Variants in FLACC1 observed in about 807,000 individuals in gnomAD.
FLACC1 encodes the protein flagellum associated containing coiled-coil domains 1, also known as flagellum-associated coiled-coil domain-containing protein 1.
A neutral mutation model predicts 62.8 loss-of-function variants in FLACC1; 66 were observed. The ratio of observed to expected loss-of-function variants is 1.05; its 90% CI spans 0.86 to 1.29. The LOEUF is 1.29. Among genes scored for constraint, FLACC1 ranks in the 50% most tolerant of loss-of-function variants. The pLI is 0.00. For synonymous variants in FLACC1, 156 were observed against 161.0 expected (o/e 0.97, Z 0.24); for missense variants, 452 against 489.1 (o/e 0.92, Z 0.71).
At chr2:201,291,585 G>C (rs910803063) in intron 12 of FLACC1, among the ~76,000 whole-genome samples, 5 of 152,314 alleles carry the variant, frequency 3.3e-5, no homozygotes, top group African/African-American at 1.2e-4. Flanking sequence ...AAAAAACAGA[G>C]CAGAAAAACT....
intron 3 of FLACC1, among the ~76,000 whole-genome samples, chr2:201,349,417 G>C (rs1188385684): frequency 2.6e-5 from 4 of 152,024 alleles, no homozygotes; most frequent in Non-Finnish European, 5.9e-5. Context: ...TACCTGCTTT[G>C]CCTGCATCTT....
intron 1 of FLACC1, among the ~76,000 whole-genome samples, chr2:201,353,819 C>T (rs1436169582): frequency 2.6e-5 from 4 of 152,122 alleles, no homozygotes; most frequent in Non-Finnish European, 4.4e-5. Context: ...GCTGATCTTG[C>T]ACTCCTGGTC....
chr2:201,340,121 G>A (rs1950777689), intron 7 of FLACC1, among the ~76,000 whole-genome samples: 1 of 152,178 alleles, frequency 6.6e-6, no homozygotes, highest in Non-Finnish European at 1.5e-5. Context: ...GTGCTCATGT[G>A]CCTTACAGGT....
intron 14 of FLACC1, 47 bp from the exon 15 acceptor site, chr2:201,288,828 A>G: frequency 1.2e-6 from 2 of 1,600,974 alleles, no homozygotes; most frequent in Non-Finnish European, 1.7e-6. Context: ...CAAAAGCTAG[A>G]AAGGGTATAG....
intron 1 of FLACC1, among the ~76,000 whole-genome samples, chr2:201,355,394 A>G (rs2125629046): frequency 6.6e-6 from 1 of 152,344 alleles, no homozygotes; most frequent in South Asian, 2.1e-4. Context: ...AACATTAAAC[A>G]TTTGCATTCA....
chr2:201,294,605 CT>C (rs1327771899), intron 12 of FLACC1, among the ~76,000 whole-genome samples: 2 of 152,162 alleles, frequency 1.3e-5, no homozygotes, highest in African/African-American at 4.8e-5. Context: ...CCTTTGAAAA[CT>C]GGCAAAAGAC....
chr2:201,352,204 C>G (rs981859093), intron 1 of FLACC1: 1 of 152,134 alleles, frequency 6.6e-6, no homozygotes, highest in African/African-American at 2.4e-5. Flanking sequence ...AAGAGAAATT[C>G]CCACAGCAAG....
chr2:201,289,633 C>A, intron 13 of FLACC1, 63 bp downstream of exon 13: 1 of 1,611,972 alleles, frequency 6.2e-7, no homozygotes, highest in Non-Finnish European at 8.5e-7. Context: ...AGCTATATGG[C>A]AGAGCTGGAT....
intron 9 of FLACC1, among the ~76,000 whole-genome samples, chr2:201,324,262 G>C (rs755159697): frequency 6.6e-6 from 1 of 152,146 alleles, no homozygotes; most frequent in African/African-American, 2.4e-5. Flanking sequence ...ACAAGACAAA[G>C]ATGGTCAATA....
At chr2:201,310,307 G>T (rs1404779408) in intron 9 of FLACC1, among the ~76,000 whole-genome samples, 1 of 152,174 alleles carries the variant, frequency 6.6e-6, no homozygotes, top group Non-Finnish European at 1.5e-5. Flanking sequence ...GCTCAAAACT[G>T]AAATTGTAAG....
intron 9 of FLACC1, among the ~76,000 whole-genome samples, chr2:201,313,377 T>C (rs1227313214): frequency 1.3e-5 from 2 of 152,102 alleles, no homozygotes; most frequent in Non-Finnish European, 2.9e-5. Flanking sequence ...GTTGGGGGCA[T>C]GGTGGGAGTG....
chr2:201,335,436 T>C (rs1041979755), intron 7 of FLACC1, among the ~76,000 whole-genome samples: 4 of 151,988 alleles, frequency 2.6e-5, no homozygotes, highest in African/African-American at 9.7e-5. Context: ...TTGAAAAGGC[T>C]ATCTTTTTTC....
chr2:201,291,662 C>T (rs1352652398), intron 12 of FLACC1, among the ~76,000 whole-genome samples: 3 of 152,182 alleles, frequency 2.0e-5, no homozygotes, highest in Non-Finnish European at 4.4e-5. Context: ...AGCAACAGAA[C>T]AAAGCTGGAT....
Position 201,351,546 on chromosome 2 carries a change from C to T in FLACC1, c.-47-95G>A, listed in dbSNP as rs1052359421. 7.7e-6 allele frequency: 5 copies of T among 646,040 alleles called. No individual in the cohort carries two copies. In the Admixed American group the frequency reaches 1.4e-4, roughly 18 times the overall value. The allele number at this position is 646,040 out of a possible 1,614,324, so 40.0% of individuals were successfully genotyped here. On this transcript the variant is annotated intron_variant, in intron 1 of 14. Coordinates refer to ENST00000392257, the MANE Select transcript of FLACC1 (RefSeq NM_001127391.3). ...AAGAACCCAGGGAGGACCCAAAGAA[C>T]AATGGTAGATTCCAGAAGCTGTTGA...
chr2:201,307,613 A>G lies in FLACC1; in HGVS notation c.785T>C (p.Met262Thr). 6.2e-7 allele frequency: 1 copy of G among 1,613,044 alleles called. No individual in the cohort carries two copies. The highest frequency in any genetic ancestry group is 8.5e-7 in the Non-Finnish European group (1 of 1,178,996). Residue 262 changes from methionine (M) to threonine (T), a missense_variant, in exon 11 of 15, where the codon ATG (methionine) becomes ACG (threonine). Coordinates refer to ENST00000392257, the MANE Select transcript of FLACC1 (RefSeq NM_001127391.3). ...TGACTCCATTTCGAATTTTTTGGTC[A>G]TCTTTTTTTCTGTGGAAGTGACAGG... ...ENILLQQKKK[M>T]TKKFEMESGE...
chr2:201,330,485 C>A lies in FLACC1; in HGVS notation c.660G>T (p.Met220Ile). 1 of 1,613,884 alleles carries A rather than the reference C, an allele frequency of 6.2e-7. No individual in the cohort carries two copies. Among genetic ancestry groups the A allele is most frequent in the Non-Finnish European group, 8.5e-7 (1 of 1,179,914 alleles). Reference protein sequence around the residue: ...MGKEYKYLKNMFRTYQDSIYD... With the variant: ...MGKEYKYLKNIFRTYQDSIYD... ...TGTATCTCACCTGATACGTACGAAACATATTCTTCAAATACTTGTATTCTT... is the reference window on the plus strand; with the variant it reads ...TGTATCTCACCTGATACGTACGAAAAATATTCTTCAAATACTTGTATTCTT... The change falls in exon 9 of 15, where the codon ATG (methionine) becomes ATT (isoleucine). Residue 220 changes from methionine to isoleucine, a missense_variant. Physicochemically the swap from Met to Ile is conservative, Grantham distance 10. Transcript: ENST00000392257.
At chr2:201,291,804 G>C (rs919234256) in intron 12 of FLACC1, among the ~76,000 whole-genome samples, 2 of 152,182 alleles carry the variant, frequency 1.3e-5, no homozygotes, top group Non-Finnish European at 2.9e-5. Context: ...TGGCTAACTA[G>C]AATAACCAAT....
chr2:201,347,377 C>T (rs543347209), intron 4 of FLACC1, among the ~76,000 whole-genome samples: 100 of 152,300 alleles, frequency 6.6e-4, no homozygotes, highest in African/African-American at 2.0e-3. Context: ...CCCAGGCCAC[C>T]ATCATCTTTC....
intron 6 of FLACC1, 48 bp from the exon 7 acceptor site, chr2:201,342,479 C>G: frequency 1.3e-6 from 2 of 1,578,492 alleles, no homozygotes; most frequent in Non-Finnish European, 1.7e-6. Flanking sequence ...GACCCTGTCC[C>G]ATTCTGATCT....
Sources: gnomAD v4.1 joint callset for allele counts (sites outside exome capture counted in the v4.1 genomes callset) on GRCh38, gnomAD v4.1.1 for gene constraint, MANE v1.5 for transcripts, NCBI Gene and HGNC (gene_info 2026-07-23, HGNC 2026-07-21) for gene names.